The following SUPT3H variants were observed in gnomAD, a reference collection of about 807,000 sequenced individuals.
The protein encoded by SUPT3H is SPT3 homolog, SAGA and STAGA complex component.
In SUPT3H, 44 loss-of-function variants were observed where a neutral mutation model predicts 44.3. That is an observed-to-expected ratio of 0.99 (90% CI 0.78 to 1.28). The LOEUF (loss-of-function observed/expected upper bound fraction) is 1.28, where lower values mean the gene tolerates loss of function less well. SUPT3H is among the 50% of genes most tolerant of loss of function. SUPT3H has a pLI of 0.00. For synonymous variants in SUPT3H, 124 were observed against 125.6 expected, an observed-to-expected ratio of 0.99 and a Z score of 0.09; for missense variants, 380 against 387.1, an observed-to-expected ratio of 0.98 and a Z score of 0.15.
chr6:45,121,697 C>T (rs560705010), intron 2 of SUPT3H, among the ~76,000 whole-genome samples: 42 of 151,916 alleles, frequency 2.8e-4, no homozygotes, highest in East Asian at 2.7e-3. Context: ...GTTTTTGAGA[C>T]GAAGATTCGC....
At chr6:45,200,862 A>G (rs1762365322) in intron 2 of SUPT3H, among the ~76,000 whole-genome samples, 1 of 151,614 alleles carries the variant, frequency 6.6e-6, no homozygotes, top group African/African-American at 2.4e-5. Flanking sequence ...AACTTTATAT[A>G]AATTACATAC....
intron 10 of SUPT3H, among the ~76,000 whole-genome samples, chr6:44,837,948 C>T (rs557588048): frequency 2.6e-5 from 4 of 152,290 alleles, no homozygotes; most frequent in Admixed American, 6.5e-5. Context: ...GGCCTTCCCC[C>T]GCCTTCTCAA....
intron 2 of SUPT3H, among the ~76,000 whole-genome samples, chr6:45,294,200 T>G (rs560912059): frequency 1.3e-5 from 2 of 152,256 alleles, no homozygotes; most frequent in Non-Finnish European, 2.9e-5. Context: ...TTAATAAATG[T>G]GATACACCAC....
intron 9 of SUPT3H, among the ~76,000 whole-genome samples, chr6:44,950,258 G>C (rs928658997): frequency 2.6e-5 from 4 of 152,090 alleles, no homozygotes; most frequent in Non-Finnish European, 4.4e-5. Context: ...ATGCTCCACT[G>C]TGTCAATGTC....
intron 2 of SUPT3H, chr6:45,361,517 A>C (rs1302255519): frequency 2.0e-5 from 3 of 152,146 alleles, no homozygotes; most frequent in African/African-American, 7.2e-5. Flanking sequence ...AATTCTTAAG[A>C]AGTTTGTTAA....
At chr6:45,190,587 T>C (rs1814964601) in intron 2 of SUPT3H, among the ~76,000 whole-genome samples, 1 of 152,032 alleles carries the variant, frequency 6.6e-6, no homozygotes, top group Admixed American at 6.6e-5. Context: ...AGAATGAAAA[T>C]AGATTTTGAA....
intron 6 of SUPT3H, among the ~76,000 whole-genome samples, chr6:45,001,638 G>A (rs1177737114): frequency 2.6e-5 from 4 of 151,750 alleles, no homozygotes; most frequent in Admixed American, 2.0e-4. Context: ...AAAGAAGAAA[G>A]AAAACTAAAA....
At chr6:45,179,081 T>C (rs1324208322) in intron 2 of SUPT3H, among the ~76,000 whole-genome samples, 1 of 151,950 alleles carries the variant, frequency 6.6e-6, no homozygotes, top group Non-Finnish European at 1.5e-5. Context: ...CAAACTACCA[T>C]CAGAGAATAC....
intron 10 of SUPT3H, among the ~76,000 whole-genome samples, chr6:44,928,675 C>A (rs1769930734): frequency 6.6e-6 from 1 of 151,430 alleles, no homozygotes; most frequent in Admixed American, 6.6e-5. Flanking sequence ...GCGGGCGGAT[C>A]ACGAGGTCAG....
intron 2 of SUPT3H, among the ~76,000 whole-genome samples, chr6:45,289,224 T>G (rs1287524176): frequency 2.6e-5 from 4 of 152,120 alleles, no homozygotes; most frequent in African/African-American, 9.7e-5. Context: ...TTACTAAAAT[T>G]AATTTTAAAG....
intron 2 of SUPT3H, among the ~76,000 whole-genome samples, chr6:45,278,771 T>G (rs1271615486): frequency 6.6e-6 from 1 of 152,148 alleles, no homozygotes; most frequent in African/African-American, 2.4e-5. Flanking sequence ...CAATACAGAT[T>G]ATAGAAAATG....
intron 3 of SUPT3H, among the ~76,000 whole-genome samples, chr6:45,064,770 T>C (rs1251885375): frequency 6.8e-6 from 1 of 146,656 alleles, no homozygotes; most frequent in African/African-American, 2.6e-5. Context: ...CTATCCTAAA[T>C]ATATATGCAC....
chr6:45,250,365 TA>T (rs1053763753), intron 2 of SUPT3H, among the ~76,000 whole-genome samples: 76 of 135,760 alleles, frequency 5.6e-4, no homozygotes, highest in Non-Finnish European at 2.6e-4. Flanking sequence ...ATTAAGGCAA[TA>T]AAAAAATAAA....
chr6:45,137,980 G>C (rs1444702152), intron 2 of SUPT3H, among the ~76,000 whole-genome samples: 1 of 152,010 alleles, frequency 6.6e-6, no homozygotes, highest in South Asian at 2.1e-4. Flanking sequence ...TGAAGGACTT[G>C]TACTCAGAAT....
At chr6:44,929,001 G>A (rs1770102471) in intron 10 of SUPT3H, among the ~76,000 whole-genome samples, 1 of 151,584 alleles carries the variant, frequency 6.6e-6, no homozygotes, top group Non-Finnish European at 1.5e-5. Flanking sequence ...TGTCTCCACA[G>A]CACACATGAA....
chr6:44,814,357 A>T (rs1581800242), intron 11 of SUPT3H, among the ~76,000 whole-genome samples: 1 of 152,178 alleles, frequency 6.6e-6, no homozygotes. Context: ...CAGTGATCCA[A>T]GTCCAGGGTG....
At chr6:45,214,200 T>C (rs1764640852) in intron 2 of SUPT3H, among the ~76,000 whole-genome samples, 1 of 151,646 alleles carries the variant, frequency 6.6e-6, no homozygotes, top group South Asian at 2.1e-4. Flanking sequence ...CAACACCTTA[T>C]GAAAAAAATT....
chr6:44,869,484 C>G (rs907696513), intron 10 of SUPT3H, among the ~76,000 whole-genome samples: 3 of 150,562 alleles, frequency 2.0e-5, no homozygotes, highest in Non-Finnish European at 4.4e-5. Context: ...TGCAACTGTT[C>G]TGAAAATCAG....
intron 3 of SUPT3H, among the ~76,000 whole-genome samples, chr6:45,034,629 T>A (rs1787415862): frequency 6.7e-6 from 1 of 148,738 alleles, no homozygotes; most frequent in Non-Finnish European, 1.5e-5. Flanking sequence ...AATTCCAGAT[T>A]CAGAGACTTA....
Sources: allele counts gnomAD v4.1 joint callset (sites outside exome capture counted in the v4.1 genomes callset), GRCh38; gene constraint gnomAD v4.1.1; transcripts MANE v1.5; gene names NCBI Gene and HGNC (gene_info 2026-07-23, HGNC 2026-07-21).